ATP6V0A1: variants seen among roughly 807,000 people sequenced by gnomAD.
The protein encoded by ATP6V0A1 is ATPase H+ transporting V0 subunit a1.
Under a neutral mutation model 105.4 loss-of-function variants are expected in ATP6V0A1, and 43 were observed. The observed-to-expected ratio is 0.41, with a 90% CI of 0.32 to 0.53. The LOEUF is 0.53. Ranked by LOEUF, ATP6V0A1 falls within the 20% of genes least tolerant of loss-of-function variation. ATP6V0A1 has a pLI of 0.30. For missense variants in ATP6V0A1, 676 were observed against 1,051.1 expected (o/e 0.64, Z 4.93); for synonymous variants, 362 against 372.8 (o/e 0.97, Z 0.33).
At position 42,512,595 on chromosome 17, in the gene ATP6V0A1, G is replaced by A. The variant is rs36004024; in HGVS notation, c.2131-1266G>A. Reference sequence around the variant, plus strand: ...AAAGCCCAGAAATAGGCTAGGTGTCGACAGAGGTGAGGGAGAAGCAGACGT... The same window carrying A: ...AAAGCCCAGAAATAGGCTAGGTGTCAACAGAGGTGAGGGAGAAGCAGACGT... On this transcript the variant is annotated intron_variant, in intron 19 of 21. Transcript: ENST00000343619. Among the ~76,000 whole-genome samples, 3 of 152,174 alleles carry A rather than the reference G, an allele frequency of 2.0e-5. No individual in the cohort carries two copies. In the South Asian group the frequency reaches 6.2e-4, roughly 32 times the overall value.
intron 15 of ATP6V0A1, among the ~76,000 whole-genome samples, chr17:42,500,349 G>T (rs577709770): frequency 1.3e-5 from 2 of 152,106 alleles, no homozygotes; most frequent in Admixed American, 1.3e-4. Context: ...GTGTGGTGGC[G>T]CATGCCTGTA....
At chr17:42,465,154 G>T (rs986530660) in intron 2 of ATP6V0A1, among the ~76,000 whole-genome samples, 1 of 151,828 alleles carries the variant, frequency 6.6e-6, no homozygotes, top group East Asian at 1.9e-4. Context: ...CATCATGCCC[G>T]GCTAATTTTT....
Position 42,522,352 on chromosome 17 carries a change from C to T in ATP6V0A1, c.*1232C>T, listed in dbSNP as rs1198365526. On this transcript the variant is annotated 3_prime_UTR_variant, in exon 22 of 22. Transcript: ENST00000343619. ...CTTTTCTGAGTGAGCTGCCTGGAGC[C>T]CTCATCCCCTCTCCCAGGCTGGGCT... 1 of 152,732 alleles carries T rather than the reference C, an allele frequency of 6.5e-6. No homozygotes were observed. Among genetic ancestry groups the T allele is most frequent in the East Asian group, 1.9e-4 (1 of 5,340 alleles). 9.5% of individuals were successfully genotyped at this position (152,732 alleles called of 1,614,324 possible). A position where few individuals can be genotyped will look rare whatever the true frequency, so the allele number is the denominator to read the frequency against.
At chr17:42,476,658 A>G (rs988067627) in intron 5 of ATP6V0A1, among the ~76,000 whole-genome samples, 2 of 152,044 alleles carry the variant, frequency 1.3e-5, no homozygotes, top group Non-Finnish European at 2.9e-5. Context: ...GGGTGGTAGG[A>G]TGAGTTCGGT....
chr17:42,494,775 A>G (rs1249997903), intron 12 of ATP6V0A1: 7 of 481,392 alleles, frequency 1.5e-5, no homozygotes, highest in Non-Finnish European at 2.5e-5. Flanking sequence ...TTTGGTGCAA[A>G]AGTTATTGCG....
chr17:42,480,739 A>G lies in ATP6V0A1; in HGVS notation c.706A>G (p.Ile236Val). 6.2e-7 allele frequency: 1 copy of G among 1,613,776 alleles called. No homozygotes were observed. The highest frequency in any genetic ancestry group is 1.7e-5 in the Admixed American group (1 of 59,976). The change falls in exon 8 of 22, where the codon ATC becomes GTC. Residue 236 changes from isoleucine (I) to valine (V), a missense_variant. Physicochemically the swap from Ile to Val is conservative, Grantham distance 29 (BLOSUM62 3). Around this residue, in one of 3 missense-constraint regions of ATP6V0A1, gnomAD observed 239 missense variants for 388.4 expected, o/e 0.62. Transcript: ENST00000343619. ...GDQLKNRVKK[I>V]CEGFRASLYP... is the part of the protein sequence containing the mutation. ...TCAGCTGAAAAACAGAGTCAAGAAAATCTGTGAAGGGTAAGAGAGGCATGC... is the reference window on the plus strand; with the variant it reads ...TCAGCTGAAAAACAGAGTCAAGAAAGTCTGTGAAGGGTAAGAGAGGCATGC...
intron 21 of ATP6V0A1, 138 bp from the exon 22 acceptor site, chr17:42,520,888 TG>T: frequency 1.4e-6 from 1 of 740,060 alleles, no homozygotes; most frequent in Non-Finnish European, 2.3e-6. Flanking sequence ...CTCTGCACTC[TG>T]GGCTTTCTCT....
intron 17 of ATP6V0A1, among the ~76,000 whole-genome samples, chr17:42,503,236 G>A (rs1005613589): frequency 6.6e-6 from 1 of 152,208 alleles, no homozygotes; most frequent in Non-Finnish European, 1.5e-5. Context: ...GCATGGAAGC[G>A]AGAATATCTC....
At chr17:42,466,599 T>C in intron 3 of ATP6V0A1, 92 bp downstream of exon 3, 2 of 1,131,942 alleles carry the variant, frequency 1.8e-6, no homozygotes, top group Non-Finnish European at 2.6e-6. Flanking sequence ...GAAGAAAATG[T>C]TATAAGAGAA....
At chr17:42,476,947 G>T (rs1022364687) in intron 5 of ATP6V0A1, among the ~76,000 whole-genome samples, 1 of 152,134 alleles carries the variant, frequency 6.6e-6, no homozygotes, top group African/African-American at 2.4e-5. Context: ...CCCAGCTATT[G>T]TGCTTCTTAT....
intron 19 of ATP6V0A1, chr17:42,510,097 C>G (rs967281659): frequency 1.3e-5 from 2 of 152,240 alleles, no homozygotes; most frequent in Non-Finnish European, 2.9e-5. Flanking sequence ...AGTACCTCTT[C>G]CTAGCGGGAA....
At chr17:42,514,513 G>T in intron 21 of ATP6V0A1, 53 bp downstream of exon 21, 1 of 1,481,478 alleles carries the variant, frequency 6.8e-7, no homozygotes, top group African/African-American at 1.4e-5. Flanking sequence ...CCTTAGCTGC[G>T]GTGAGAGGGC....
At chr17:42,501,141 G>A (rs918057049) in intron 16 of ATP6V0A1, 56 bp from the exon 17 acceptor site, 24 of 1,427,772 alleles carry the variant, frequency 1.7e-5, no homozygotes, top group African/African-American at 4.3e-5. Flanking sequence ...TGGAAACTGC[G>A]TATGTGATCG....
At chr17:42,515,104 G>A (rs1461187448) in intron 21 of ATP6V0A1, among the ~76,000 whole-genome samples, 1 of 152,124 alleles carries the variant, frequency 6.6e-6, no homozygotes, top group Admixed American at 6.5e-5. Context: ...CAGCCTCTGG[G>A]ACTGGGAGAG....
chr17:42,495,657 C>T lies in ATP6V0A1; in HGVS notation c.1501C>T (p.Gln501Ter). 1 of 1,614,062 alleles carries T rather than the reference C, an allele frequency of 6.2e-7. No individual in the cohort carries two copies. The highest frequency in any genetic ancestry group is 8.5e-7 in the Non-Finnish European group (1 of 1,179,898). Residue 501 changes from glutamine to a stop codon, truncating the protein, a stop_gained, in exon 14 of 22, where the codon CAG becomes TAG. Coordinates refer to ENST00000343619, the MANE Select transcript of ATP6V0A1 (RefSeq NM_001130021.3). LOFTEE classifies it high-confidence loss of function. Reference protein sequence around the residue: ...EETLRGNPVLQLNPALPGVFG... With the variant: ...EETLRGNPVL ...GACGCTTCGGGGGAACCCTGTTCTA[C>T]AGCTGAACCCAGCCCTCCCTGGAGT...
rs1002581994 is a variant in ATP6V0A1 at position 42,461,971 on chromosome 17, C to G, written c.117+960C>G. On this transcript the variant is annotated intron_variant, in intron 2 of 21. Coordinates refer to ENST00000343619, the MANE Select transcript of ATP6V0A1 (RefSeq NM_001130021.3). Reference sequence around the variant, plus strand: ...CCTGAAATGCCAGTACTTTGAGAGGCCAAGGCAGGAGGATCGCTTGAGCCC... The same window carrying G: ...CCTGAAATGCCAGTACTTTGAGAGGGCAAGGCAGGAGGATCGCTTGAGCCC... 1.6e-4 allele frequency among the ~76,000 whole-genome samples: 24 copies of G among 150,820 alleles called. 1 individual carries two copies. The South Asian group carries it at 1.7e-3, about 11-fold the overall frequency.
chr17:42,459,504 T>C (rs1161642003), intron 1 of ATP6V0A1, among the ~76,000 whole-genome samples: 2 of 152,244 alleles, frequency 1.3e-5, no homozygotes, highest in African/African-American at 4.8e-5. Context: ...TAATTAGTTT[T>C]CTGTTAGCCT....
At chr17:42,492,567 A>T (rs1311153020) in intron 11 of ATP6V0A1, among the ~76,000 whole-genome samples, 1 of 143,600 alleles carries the variant, frequency 7.0e-6, no homozygotes, top group East Asian at 2.3e-4. Flanking sequence ...TCAGCCAGGC[A>T]TGGTGGCTCT....
intron 17 of ATP6V0A1, among the ~76,000 whole-genome samples, chr17:42,503,434 G>A (rs569145724): frequency 1.3e-5 from 2 of 152,278 alleles, no homozygotes; most frequent in East Asian, 3.9e-4. Flanking sequence ...TCTGCTCTCC[G>A]ATGTGTCGTG....
Sources: allele counts gnomAD v4.1 joint callset (sites outside exome capture counted in the v4.1 genomes callset), GRCh38; gene constraint gnomAD v4.1.1; regional missense constraint gnomAD v4.1.1; transcripts MANE v1.5; gene names NCBI Gene and HGNC (gene_info 2026-07-23, HGNC 2026-07-21).